KLHL14: variants seen among roughly 807,000 people sequenced by gnomAD.
KLHL14 encodes kelch like family member 14, also known as kelch-like protein 14.
A neutral mutation model predicts 64.3 loss-of-function variants in KLHL14; 22 were observed. The ratio of observed to expected loss-of-function variants is 0.34; its 90% confidence interval spans 0.24 to 0.49. The LOEUF is 0.49. KLHL14 is among the 20% of genes least tolerant of loss of function. KLHL14 has a pLI of 0.99. For missense variants in KLHL14, 661 were observed against 789.0 expected (o/e 0.84, Z 1.94); for synonymous variants, 322 against 333.4 (o/e 0.97, Z 0.37).
At position 32,716,280 on chromosome 18, in the gene KLHL14, C is replaced by T. The variant is rs62094040; in HGVS notation, c.1070-20728G>A. Among the ~76,000 whole-genome samples the T allele has an allele frequency of 4.6e-3, 702 of 152,126 alleles. 1 individual carries two copies. Among genetic ancestry groups the T allele is most frequent in the Non-Finnish European group, 7.9e-3 (535 of 68,022 alleles). ...TTTTGTTATTTAATTCTTCAGAGAGCGGGCAAAGCCAAAGGGCAGTGGTAA... is the reference window on the plus strand; with the variant it reads ...TTTTGTTATTTAATTCTTCAGAGAGTGGGCAAAGCCAAAGGGCAGTGGTAA... On this transcript the variant is annotated intron_variant, in intron 3 of 8. Coordinates refer to ENST00000359358, the MANE Select transcript of KLHL14 (RefSeq NM_020805.3).
intron 1 of KLHL14, chr18:32,772,225 T>A (rs1399131431): frequency 5.0e-6 from 2 of 398,442 alleles, no homozygotes; most frequent in South Asian, 3.5e-5. Context: ...CGGTCCTGGA[T>A]CGCCGGCTTC....
intron 3 of KLHL14, among the ~76,000 whole-genome samples, chr18:32,730,576 A>G (rs1314063031): frequency 1.3e-5 from 2 of 152,230 alleles, no homozygotes; most frequent in African/African-American, 4.8e-5. Flanking sequence ...AACAAGACAA[A>G]AGCATTAAAG....
chr18:32,748,172 C>A (rs2050233101), intron 2 of KLHL14, among the ~76,000 whole-genome samples: 1 of 152,104 alleles, frequency 6.6e-6, no homozygotes, highest in African/African-American at 2.4e-5. Context: ...TTCAGCTGTT[C>A]TAAGTGAACG....
At chr18:32,768,633 A>C (rs1350050907) in intron 2 of KLHL14, among the ~76,000 whole-genome samples, 1 of 152,176 alleles carries the variant, frequency 6.6e-6, no homozygotes, top group Non-Finnish European at 1.5e-5. Flanking sequence ...TCTTTTCTAA[A>C]AAGAGAAAGA....
chr18:32,698,077 A>G (rs1184283954), intron 3 of KLHL14, among the ~76,000 whole-genome samples: 1 of 152,210 alleles, frequency 6.6e-6, no homozygotes, highest in Non-Finnish European at 1.5e-5. Context: ...ATATTCAATC[A>G]ATGTTTGAAT....
chr18:32,729,222 G>C (rs2050123206), intron 3 of KLHL14, among the ~76,000 whole-genome samples: 3 of 152,158 alleles, frequency 2.0e-5, no homozygotes, highest in Admixed American at 2.0e-4. Context: ...TTCCTTGCCT[G>C]TAGGGAGATG....
At chr18:32,748,178 G>C (rs1276596134) in intron 2 of KLHL14, among the ~76,000 whole-genome samples, 1 of 152,078 alleles carries the variant, frequency 6.6e-6, no homozygotes, top group Non-Finnish European at 1.5e-5. Context: ...TGTTCTAAGT[G>C]AACGTAGGCT....
In KLHL14 at chr18:32,715,127, A is replaced by G. The variant is rs186987061; in HGVS notation, c.1070-19575T>C. Among the ~76,000 whole-genome samples, 533 of 152,250 alleles carry G rather than the reference A, an allele frequency of 3.5e-3. 2 individuals carry two copies. The highest frequency in any genetic ancestry group is 5.3e-3 in the Non-Finnish European group (361 of 68,024). On this transcript the variant is annotated intron_variant, in intron 3 of 8. Transcript: ENST00000359358. ...AGGCATACCCTATGCTAATATTGTT[A>G]AAGATAGATTTTTAAAAATAGGTCA...
intron 3 of KLHL14, among the ~76,000 whole-genome samples, chr18:32,740,312 A>C (rs144350927): frequency 2.1e-3 from 327 of 152,348 alleles, no homozygotes; most frequent in Non-Finnish European, 3.3e-3. Flanking sequence ...TAAAATCCAC[A>C]TAAGACTTTT....
chr18:32,687,152 T>G lies in KLHL14; in HGVS notation c.1238+3A>C. 6.2e-7 allele frequency: 1 copy of G among 1,612,634 alleles called. No homozygotes were observed. The highest frequency in any genetic ancestry group is 8.5e-7 in the Non-Finnish European group (1 of 1,178,692). On this transcript the variant is annotated splice_donor_region_variant and intron_variant, in intron 5 of 8. Coordinates refer to ENST00000359358, the MANE Select transcript of KLHL14 (RefSeq NM_020805.3). Reference sequence around the variant, plus strand: ...GTTTCAGGTGCAAGAAATAAACACTTACCTTTCCTGCATGGGTGGAAGTTG... The same window carrying G: ...GTTTCAGGTGCAAGAAATAAACACTGACCTTTCCTGCATGGGTGGAAGTTG...
At chr18:32,700,863 G>T (rs534342838) in intron 3 of KLHL14, among the ~76,000 whole-genome samples, 1 of 152,294 alleles carries the variant, frequency 6.6e-6, no homozygotes, top group South Asian at 2.1e-4. Context: ...CTGAGTAGAT[G>T]ACTTGTGAGG....
chr18:32,715,664 G>A (rs996525815), intron 3 of KLHL14, among the ~76,000 whole-genome samples: 3 of 152,028 alleles, frequency 2.0e-5, no homozygotes, highest in Non-Finnish European at 2.9e-5. Context: ...AGATTTTTAG[G>A]AATACACGTA....
chr18:32,681,674 T>C (rs559141612), intron 5 of KLHL14, among the ~76,000 whole-genome samples: 22 of 152,330 alleles, frequency 1.4e-4, no homozygotes, highest in Admixed American at 1.1e-3. Flanking sequence ...ATAGTTTATA[T>C]TTAATGAATT....
intron 3 of KLHL14, among the ~76,000 whole-genome samples, chr18:32,716,577 G>T (rs1487681874): frequency 6.6e-6 from 1 of 152,112 alleles, no homozygotes; most frequent in Non-Finnish European, 1.5e-5. Context: ...ACCACGCCCA[G>T]CTAATTTTTT....
At chr18:32,746,538 T>C (rs535000355) in intron 2 of KLHL14, among the ~76,000 whole-genome samples, 1 of 152,360 alleles carries the variant, frequency 6.6e-6, no homozygotes, top group East Asian at 1.9e-4. Context: ...TTCAGTGATT[T>C]GGAACTTCAA....
At chr18:32,750,759 G>A (rs1158280943) in intron 2 of KLHL14, among the ~76,000 whole-genome samples, 1 of 152,058 alleles carries the variant, frequency 6.6e-6, no homozygotes, top group East Asian at 1.9e-4. Flanking sequence ...CATTCCAGCT[G>A]AGCGGCCATC....
At chr18:32,741,255 C>T (rs1331996458) in intron 3 of KLHL14, among the ~76,000 whole-genome samples, 2 of 152,250 alleles carry the variant, frequency 1.3e-5, no homozygotes, top group Admixed American at 6.5e-5. Flanking sequence ...TGAGTGAGTC[C>T]GATTGGGAAT....
rs1050924922 is a variant in KLHL14 at position 32,716,671 on chromosome 18, G to A, written c.1070-21119C>T. ...TGACCTCAGGTGATCCACCCACCTC[G>A]GCCTCCCAAAGTGTTGTGATTACAG... On this transcript the variant is annotated intron_variant, in intron 3 of 8. Coordinates refer to ENST00000359358, the MANE Select transcript of KLHL14 (RefSeq NM_020805.3). Among the ~76,000 whole-genome samples the A allele has an allele frequency of 1.3e-4, 20 of 152,026 alleles. 1 individual carries two copies. The highest frequency in any genetic ancestry group is 9.2e-4 in the Admixed American group (14 of 15,270).
chr18:32,726,153 C>A (rs2050107119), intron 3 of KLHL14, among the ~76,000 whole-genome samples: 1 of 152,210 alleles, frequency 6.6e-6, no homozygotes, highest in Non-Finnish European at 1.5e-5. Context: ...TAAAGTCATA[C>A]TGGAACACAG....
Sources: gnomAD v4.1 joint callset for allele counts (sites outside exome capture counted in the v4.1 genomes callset) on GRCh38, gnomAD v4.1.1 for gene constraint, MANE v1.5 for transcripts, NCBI Gene and HGNC (gene_info 2026-07-23, HGNC 2026-07-21) for gene names.